Variants in MYZAP observed in about 807,000 individuals in gnomAD.
MYZAP encodes myocardial zonula adherens protein, also known as GRINL1A complex locus upstream.
Under a neutral mutation model 69.4 loss-of-function variants are expected in MYZAP, and 66 were observed. The ratio of observed to expected loss-of-function variants is 0.95; its 90% CI spans 0.78 to 1.17. The LOEUF (loss-of-function observed/expected upper bound fraction) is 1.17. Among genes scored for constraint, MYZAP ranks in the 50% most tolerant of loss-of-function variants. MYZAP has a pLI of 0.00. For synonymous variants in MYZAP, 256 were observed against 205.9 expected, an observed-to-expected ratio of 1.24 and a Z score of -2.09; for missense variants, 611 against 556.2, an observed-to-expected ratio of 1.10 and a Z score of -0.99.
chr15:57,629,769 C>T lies in MYZAP; in HGVS notation c.593C>T (p.Thr198Met), dbSNP rs200330646. The part of the protein sequence containing the change: ...IKDQIRNLQQ[T>M]YEASMDKLRE... ...GATCAAATCAGAAATCTGCAGCAGA[C>T]GTATGAAGCATCCATGGACAAGCTG... Residue 198 changes from threonine (T) to methionine (M), a missense_variant, in exon 6 of 13, where the codon ACG (threonine) becomes ATG (methionine). Thr to Met is a moderately conservative substitution (Grantham distance 81). Coordinates refer to ENST00000267853, the MANE Select transcript of MYZAP (RefSeq NM_001018100.5). The T allele has an allele frequency of 8.1e-6, 13 of 1,613,808 alleles. No homozygotes were observed. Among genetic ancestry groups the T allele is most frequent in the East Asian group, 2.2e-5 (1 of 44,894 alleles).
At chr15:57,648,168 A>T (rs1207050719) in intron 10 of MYZAP, 1 of 984,748 alleles carries the variant, frequency 1.0e-6, no homozygotes, top group African/African-American at 1.7e-5. Flanking sequence ...AATTTTTAGA[A>T]GGTATCAGCA....
rs1455252849 is a variant in MYZAP, at chr15:57,675,048, G to A, written c.1284G>A (p.Val428=). 1.2e-6 allele frequency: 2 copies of A among 1,612,628 alleles called. No homozygotes were observed. Among genetic ancestry groups the A allele is most frequent in the African/African-American group, 2.7e-5 (2 of 74,798 alleles). Residue 428 remains valine (V), a synonymous_variant, in exon 12 of 13, where the codon GTG becomes GTA. Coordinates refer to ENST00000267853, the MANE Select transcript of MYZAP (RefSeq NM_001018100.5). ...AAGTGGAAACCAGAGAGATAGGAGT[G>A]GGCTGTGATCTTCTACCCAGGTATT... ...KTEVETREIG[V]GCDLLPSQTG...
Position 57,664,217 on chromosome 15 carries a change from A to G in MYZAP, c.1203+2684A>G, listed in dbSNP as rs933722093. Among the ~76,000 whole-genome samples, 3 of 152,094 alleles carry G rather than the reference A, an allele frequency of 2.0e-5. No individual in the cohort carries two copies. In the South Asian group the frequency reaches 6.2e-4, roughly 31 times the overall value. On this transcript the variant is annotated intron_variant, in intron 11 of 12. Coordinates refer to ENST00000267853, the MANE Select transcript of MYZAP (RefSeq NM_001018100.5). ...AGGATACCTTCTCTAAATTGCTAAGATTAGAGGATGTGGGTTACATAGGTT... is the reference window on the plus strand; with the variant it reads ...AGGATACCTTCTCTAAATTGCTAAGGTTAGAGGATGTGGGTTACATAGGTT...
At chr15:57,654,693 C>T (rs560778883) in intron 10 of MYZAP, among the ~76,000 whole-genome samples, 56 of 152,218 alleles carry the variant, frequency 3.7e-4, no homozygotes, top group African/African-American at 1.2e-3. Flanking sequence ...ATTTTCTGTC[C>T]TCTGATGTGA....
intron 5 of MYZAP, among the ~76,000 whole-genome samples, chr15:57,626,821 C>T (rs556756700): frequency 3.9e-5 from 6 of 152,316 alleles, no homozygotes; most frequent in South Asian, 2.1e-4. Flanking sequence ...CAGCAGGGCT[C>T]GGCCACTGTC....
chr15:57,608,436 T>C (rs1355608274), intron 2 of MYZAP, among the ~76,000 whole-genome samples: 1 of 152,216 alleles, frequency 6.6e-6, no homozygotes. Flanking sequence ...CAGCACCTTC[T>C]TATGGAGTCA....
At chr15:57,615,651 G>A (rs2035387300) in intron 2 of MYZAP, among the ~76,000 whole-genome samples, 1 of 152,210 alleles carries the variant, frequency 6.6e-6, no homozygotes, top group African/African-American at 2.4e-5. Flanking sequence ...TATTTGGGGA[G>A]TTTCATTAGA....
At chr15:57,659,819 G>A (rs1218712396) in intron 10 of MYZAP, among the ~76,000 whole-genome samples, 5 of 152,064 alleles carry the variant, frequency 3.3e-5, no homozygotes, top group Admixed American at 3.3e-4. Flanking sequence ...TTAAACCTAT[G>A]TAACAAGGCT....
chr15:57,598,714 T>A (rs985954929), intron 1 of MYZAP, among the ~76,000 whole-genome samples: 1 of 152,236 alleles, frequency 6.6e-6, no homozygotes, highest in Non-Finnish European at 1.5e-5. Context: ...CATTTGTAGA[T>A]TGATAGTTCA....
intron 10 of MYZAP, among the ~76,000 whole-genome samples, chr15:57,643,751 T>G (rs1337348655): frequency 2.6e-5 from 4 of 152,142 alleles, no homozygotes; most frequent in African/African-American, 2.4e-5. Flanking sequence ...GTTTTTTTTT[T>G]TTTTAAGCTA....
At chr15:57,655,799 C>T (rs1392992764) in intron 10 of MYZAP, among the ~76,000 whole-genome samples, 1 of 152,208 alleles carries the variant, frequency 6.6e-6, no homozygotes, top group Non-Finnish European at 1.5e-5. Flanking sequence ...ATTCTATTAA[C>T]ATCAGTTAAA....
chr15:57,636,023 A>C (rs1489088812), intron 8 of MYZAP, among the ~76,000 whole-genome samples: 1 of 152,262 alleles, frequency 6.6e-6, no homozygotes, highest in Non-Finnish European at 1.5e-5. Flanking sequence ...TGTAAGAAAT[A>C]ATTGTGCAGT....
At chr15:57,667,587 G>A (rs1483427637) in intron 11 of MYZAP, among the ~76,000 whole-genome samples, 2 of 152,178 alleles carry the variant, frequency 1.3e-5, no homozygotes, top group Non-Finnish European at 2.9e-5. Context: ...AGACTAAGAA[G>A]GAGATAGTCT....
In MYZAP at chr15:57,684,987, A is replaced by G. The variant is rs1202777943; in HGVS notation, c.*489A>G. 1.3e-5 allele frequency: 2 copies of G among 152,406 alleles called. No homozygotes were observed. Among genetic ancestry groups the G allele is most frequent in the African/African-American group, 5.0e-5 (2 of 40,092 alleles). The allele number at this position is 152,406 out of a possible 1,614,324, so 9.4% of individuals were successfully genotyped here. A position where few individuals can be genotyped will look rare whatever the true frequency, so the allele number is the denominator to read the frequency against. On this transcript the variant is annotated 3_prime_UTR_variant, in exon 13 of 13. Coordinates refer to ENST00000267853, the MANE Select transcript of MYZAP (RefSeq NM_001018100.5). ...GCACCCAGCCAAACTTGAACCTGGA[A>G]GGGAGGGTTCCCGGCCTGCAGGTGC... is the stretch of plus-strand genomic sequence containing the variant.
chr15:57,674,151 C>T (rs1477274282), intron 11 of MYZAP, among the ~76,000 whole-genome samples: 4 of 151,706 alleles, frequency 2.6e-5, no homozygotes, highest in Non-Finnish European at 4.4e-5. Flanking sequence ...TTTTTTTTGG[C>T]ATTTTTGCCC....
chr15:57,618,301 G>T, intron 3 of MYZAP, 113 bp downstream of exon 3: 2 of 1,460,386 alleles, frequency 1.4e-6, no homozygotes, highest in Non-Finnish European at 1.8e-6. Flanking sequence ...AGAATTCTTA[G>T]TGTTATCATT....
At chr15:57,628,166 A>G (rs1011253139) in intron 5 of MYZAP, among the ~76,000 whole-genome samples, 1 of 152,238 alleles carries the variant, frequency 6.6e-6, no homozygotes, top group African/African-American at 2.4e-5. Context: ...ACAGTAGAAG[A>G]TGACTTTCCA....
chr15:57,621,333 C>T (rs2035803095), intron 3 of MYZAP, among the ~76,000 whole-genome samples: 1 of 151,528 alleles, frequency 6.6e-6, no homozygotes, highest in Non-Finnish European at 1.5e-5. Context: ...GCCTCAGCCT[C>T]CCGAGTAGCT....
At chr15:57,633,573 A>C in intron 7 of MYZAP, 40 bp from the exon 8 acceptor site, 1 of 1,580,838 alleles carries the variant, frequency 6.3e-7, no homozygotes, top group South Asian at 1.2e-5. Context: ...TAGCCTCGGT[A>C]CTCCATGCCT....
Sources: gnomAD v4.1 joint callset for allele counts (sites outside exome capture counted in the v4.1 genomes callset) on GRCh38, gnomAD v4.1.1 for gene constraint, MANE v1.5 for transcripts, NCBI Gene and HGNC (gene_info 2026-07-23, HGNC 2026-07-21) for gene names.